The following STRBP variants were observed in gnomAD, a reference collection of about 807,000 sequenced individuals.
STRBP encodes the protein spermatid perinuclear RNA binding protein.
A neutral mutation model predicts 80.1 loss-of-function variants in STRBP; 13 were observed. That is an observed-to-expected ratio of 0.16 (90% CI 0.11 to 0.26). STRBP has a LOEUF of 0.26. Among genes scored for constraint, STRBP ranks in the 10% least tolerant of loss-of-function variants. The pLI is 1.00. For synonymous variants in STRBP, 284 were observed against 291.2 expected (o/e 0.98, Z 0.25); for missense variants, 485 against 815.2 (o/e 0.59, Z 4.93).
chr9:123,235,044 C>T (rs1340361853), intron 2 of STRBP, among the ~76,000 whole-genome samples: 2 of 150,758 alleles, frequency 1.3e-5, no homozygotes, highest in Admixed American at 6.6e-5. Context: ...AAGTGAACAC[C>T]GGAAACACAT....
At chr9:123,259,375 T>C (rs1003542658) in intron 1 of STRBP, among the ~76,000 whole-genome samples, 5 of 152,132 alleles carry the variant, frequency 3.3e-5, no homozygotes, top group East Asian at 1.9e-4. Context: ...AGGTAGGCAG[T>C]AGCATACACA....
At chr9:123,202,122 G>A (rs1159580909) in intron 2 of STRBP, among the ~76,000 whole-genome samples, 1 of 152,144 alleles carries the variant, frequency 6.6e-6, no homozygotes, top group East Asian at 1.9e-4. Flanking sequence ...CTCCTTCTCT[G>A]TTAGGTGAGT....
At chr9:123,241,520 A>C (rs1352994231) in intron 1 of STRBP, among the ~76,000 whole-genome samples, 4 of 146,966 alleles carry the variant, frequency 2.7e-5, no homozygotes, top group Non-Finnish European at 4.5e-5. Flanking sequence ...CCGCACACAC[A>C]AAAAAAAAAA....
intron 1 of STRBP, among the ~76,000 whole-genome samples, chr9:123,238,873 A>C (rs2040630893): frequency 6.6e-6 from 1 of 152,176 alleles, no homozygotes; most frequent in Admixed American, 6.5e-5. Flanking sequence ...ACACCCCCCC[A>C]CAATAAATTC....
At chr9:123,253,884 A>G (rs999541922) in intron 1 of STRBP, among the ~76,000 whole-genome samples, 2 of 152,196 alleles carry the variant, frequency 1.3e-5, no homozygotes, top group Admixed American at 6.5e-5. Context: ...CTAATTGCTT[A>G]AAAACTTTTC....
chr9:123,158,954 G>A (rs1212215589), intron 9 of STRBP, 142 bp downstream of exon 9: 34 of 602,430 alleles, frequency 5.6e-5, no homozygotes, highest in African/African-American at 9.3e-5. Flanking sequence ...TTTCCAACAC[G>A]CATTCTAGTT....
chr9:123,262,599 T>A (rs527508694), intron 1 of STRBP, among the ~76,000 whole-genome samples: 69 of 152,366 alleles, frequency 4.5e-4, no homozygotes, highest in African/African-American at 1.6e-3. Flanking sequence ...TAATCAACTG[T>A]ACCCTTTCAA....
At chr9:123,207,464 T>G (rs564733463) in intron 2 of STRBP, among the ~76,000 whole-genome samples, 1 of 152,230 alleles carries the variant, frequency 6.6e-6, no homozygotes, top group Admixed American at 6.5e-5. Flanking sequence ...ATGTTACATA[T>G]CATTTATGGA....
chr9:123,185,471 G>A (rs1321203309), intron 2 of STRBP, among the ~76,000 whole-genome samples: 5 of 152,180 alleles, frequency 3.3e-5, no homozygotes, highest in Middle Eastern at 6.8e-3. Flanking sequence ...TACTCATATC[G>A]CATTAAGGAA....
At chr9:123,248,275 T>TG (rs2040840963) in intron 1 of STRBP, among the ~76,000 whole-genome samples, 2 of 145,076 alleles carry the variant, frequency 1.4e-5, no homozygotes, top group Non-Finnish European at 3.0e-5. Flanking sequence ...TTTTTTTTTT[T>TG]TTTTTTTTTT....
At chr9:123,230,421 T>C (rs1414857757) in intron 2 of STRBP, among the ~76,000 whole-genome samples, 1 of 152,246 alleles carries the variant, frequency 6.6e-6, no homozygotes, top group East Asian at 1.9e-4. Context: ...GTCTATTTTA[T>C]CTAGTTACTT....
intron 2 of STRBP, among the ~76,000 whole-genome samples, chr9:123,231,151 AT>A (rs915438339): frequency 4.7e-4 from 70 of 149,610 alleles, no homozygotes; most frequent in Admixed American, 2.2e-3. Flanking sequence ...GGTTATCAGT[AT>A]TTTTTTTTTA....
chr9:123,258,800 CAAAAAA>C (rs56654612), intron 1 of STRBP, among the ~76,000 whole-genome samples: 3 of 101,120 alleles, frequency 3.0e-5, no homozygotes, highest in Middle Eastern at 4.5e-3. Flanking sequence ...GACTCCGTCT[CAAAAAA>C]AAAAAAAAAA....
At chr9:123,259,077 G>A (rs916729357) in intron 1 of STRBP, among the ~76,000 whole-genome samples, 11 of 144,518 alleles carry the variant, frequency 7.6e-5, no homozygotes, top group Non-Finnish European at 1.3e-4. Flanking sequence ...AAAAAAAAAG[G>A]GGGGGGGATT....
At chr9:123,236,398 A>G (rs1183046715) in intron 2 of STRBP, among the ~76,000 whole-genome samples, 1 of 152,198 alleles carries the variant, frequency 6.6e-6, no homozygotes, top group Non-Finnish European at 1.5e-5. Flanking sequence ...TAAAGAGAGT[A>G]AAATCTCTGC....
At chr9:123,252,787 C>T (rs1302806356) in intron 1 of STRBP, among the ~76,000 whole-genome samples, 1 of 152,284 alleles carries the variant, frequency 6.6e-6, no homozygotes, top group East Asian at 1.9e-4. Context: ...CTGTATTTTA[C>T]ATGATACCAT....
chr9:123,158,528 G>GAAA, intron 9 of STRBP, 99 bp from the exon 10 acceptor site: 2 of 879,806 alleles, frequency 2.3e-6, no homozygotes, highest in East Asian at 2.9e-5. Context: ...AAGAGAAAAT[G>GAAA]AAAAAAAAAA....
intron 1 of STRBP, among the ~76,000 whole-genome samples, chr9:123,253,601 C>T (rs1421271024): frequency 6.6e-6 from 1 of 152,214 alleles, no homozygotes; most frequent in East Asian, 1.9e-4. Flanking sequence ...GCTTCATTTT[C>T]TCATCAGAAA....
Position 123,136,227 on chromosome 9 carries a change from T to C in STRBP, c.1633-46A>G, listed in dbSNP as rs199615945. On this transcript the variant is annotated intron_variant, in intron 15 of 18. Transcript: ENST00000348403. This position sits in a 1 kb window ranked among gnomAD's most constrained non-coding sequence, Gnocchi z 4.2. Reference sequence around the variant, plus strand: ...TTGCAATTATCCCATGCAATTCCTCTATGTCCTTTTAATTTAAATAGATTA... The same window carrying C: ...TTGCAATTATCCCATGCAATTCCTCCATGTCCTTTTAATTTAAATAGATTA... The C allele has an allele frequency of 2.7e-5, 44 of 1,606,988 alleles. No homozygotes were observed. The highest frequency in any genetic ancestry group is 3.7e-5 in the Non-Finnish European group (43 of 1,177,048).
Sources: allele counts gnomAD v4.1 joint callset (sites outside exome capture counted in the v4.1 genomes callset), GRCh38; gene constraint gnomAD v4.1.1; non-coding constraint Gnocchi (gnomAD v3.1); transcripts MANE v1.5; gene names NCBI Gene and HGNC (gene_info 2026-07-23, HGNC 2026-07-21).